Variants in PRKCG observed in about 807,000 individuals in gnomAD.
The protein encoded by PRKCG is protein kinase C gamma type.
In PRKCG, 28 loss-of-function variants were observed where a neutral mutation model predicts 82.0. That is an observed-to-expected ratio of 0.34 (90% CI 0.25 to 0.47). The LOEUF is 0.47. Among genes scored for constraint, PRKCG ranks in the 20% least tolerant of loss-of-function variants. The pLI, the probability that PRKCG is intolerant of heterozygous loss-of-function variation, is 1.00. For synonymous variants in PRKCG, 383 were observed against 376.6 expected, an observed-to-expected ratio of 1.02 and a Z score of -0.20; for missense variants, 640 against 952.7, an observed-to-expected ratio of 0.67 and a Z score of 4.32.
At chr19:53,906,025 C>CCTCCTCCTCCTCCCT (rs1246291252) in intron 16 of PRKCG, among the ~76,000 whole-genome samples, 1 of 79,588 alleles carries the variant, frequency 1.3e-5, no homozygotes, top group African/African-American at 6.2e-5. Flanking sequence ...CTGTCTGTCT[C>CCTCCTCCTCCTCCCT]CCTCCTCCTC....
At chr19:53,887,545 C>T (rs538921228) in intron 3 of PRKCG, among the ~76,000 whole-genome samples, 9 of 128,620 alleles carry the variant, frequency 7.0e-5, no homozygotes, top group Admixed American at 6.1e-4. Context: ...AGGTAACATG[C>T]CTTGACCAGG....
In PRKCG at chr19:53,906,977, C is replaced by G; in HGVS notation, c.*82C>G. ...CCCACTTCACCCCCAACTTCACCAC[C>G]CCCTGTCCCATTCTAGATCCTGCAC... On this transcript the variant is annotated 3_prime_UTR_variant, in exon 18 of 18. Coordinates refer to ENST00000263431, the MANE Select transcript of PRKCG (RefSeq NM_002739.5). 6.3e-7 allele frequency: 1 copy of G among 1,594,486 alleles called. No individual in the cohort carries two copies. The highest frequency in any genetic ancestry group is 8.5e-7 in the Non-Finnish European group (1 of 1,171,254).
In PRKCG at chr19:53,889,807, A is replaced by G; in HGVS notation, c.397+58A>G. The G allele has an allele frequency of 6.3e-7, 1 of 1,587,228 alleles. No homozygotes were observed. Among genetic ancestry groups the G allele is most frequent in the Non-Finnish European group, 8.6e-7 (1 of 1,166,678 alleles). ...AAAGCGCCCGGTCTGGGTTCCGGGA[A>G]ATGCCCGGGATGGGGTGGGGGGTGG... On this transcript the variant is annotated intron_variant, in intron 4 of 17. Coordinates refer to ENST00000263431, the MANE Select transcript of PRKCG (RefSeq NM_002739.5). This position sits in a 1 kb window ranked among gnomAD's most constrained non-coding sequence, Gnocchi z 4.4.
At position 53,904,656 on chromosome 19, in the gene PRKCG, G is replaced by C. The variant is rs1384915664; in HGVS notation, c.1678G>C (p.Glu560Gln). ...ATAGCCTCCCTTCGATGGGGAGGACGAGGAGGAGCTGTTTCAGGCCATCAT... is the reference window on the plus strand; with the variant it reads ...ATAGCCTCCCTTCGATGGGGAGGACCAGGAGGAGCTGTTTCAGGCCATCAT... ...AGQPPFDGED[E>Q]EELFQAIMEQ... Residue 560 changes from glutamate (E) to glutamine (Q), a missense_variant, in exon 16 of 18, where the codon GAG (glutamate) becomes CAG (glutamine). Physicochemically the swap from Glu to Gln is conservative, Grantham distance 29. Coordinates refer to ENST00000263431, the MANE Select transcript of PRKCG (RefSeq NM_002739.5). 6.2e-7 allele frequency: 1 copy of C among 1,613,494 alleles called. No individual in the cohort carries two copies. The highest frequency in any genetic ancestry group is 8.5e-7 in the Non-Finnish European group (1 of 1,179,884).
rs2068604836 is a variant in PRKCG, at chr19:53,883,072, G to C, written c.171-91G>C. On this transcript the variant is annotated intron_variant, in intron 1 of 17. Transcript: ENST00000263431. The surrounding 1 kb of genome is among the most constrained non-coding windows in gnomAD (Gnocchi z 5.4). ...TGGACACCTGGGCCCTGCGGGAGGA[G>C]GGTCAGAGAGCGCAGGCCCCCTGTG... 2 of 1,522,302 alleles carry C rather than the reference G, an allele frequency of 1.3e-6. No homozygotes were observed. Among genetic ancestry groups the C allele is most frequent in the Non-Finnish European group, 9.1e-7 (1 of 1,097,330 alleles). The allele number at this position is 1,522,302 out of a possible 1,614,324, so 94.3% of individuals were successfully genotyped here.
chr19:53,883,315 CG>C lies in PRKCG; in HGVS notation c.202+127del. ...CAGAGAGGCGCGGGGGAGCCCGGGG[CG>C]GGGGGTGTGGCAGAGACACAGCCTG... On this transcript the variant is annotated intron_variant, in intron 2 of 17. Coordinates refer to ENST00000263431, the MANE Select transcript of PRKCG (RefSeq NM_002739.5). The surrounding 1 kb of genome is among the most constrained non-coding windows in gnomAD (Gnocchi z 5.4). 17 of 1,226,792 alleles carry C rather than the reference CG, an allele frequency of 1.4e-5. No homozygotes were observed. The highest frequency in any genetic ancestry group is 2.5e-5 in the South Asian group (2 of 81,200). The allele number at this position is 1,226,792 out of a possible 1,614,324, so 76.0% of individuals were successfully genotyped here. A position where few individuals can be genotyped will look rare whatever the true frequency, so the allele number is the denominator to read the frequency against.
Position 53,891,746 on chromosome 19 carries a change from T to C in PRKCG, c.602T>C (p.Ile201Thr). 1 of 1,614,066 alleles carries C rather than the reference T, an allele frequency of 6.2e-7. No homozygotes were observed. The highest frequency in any genetic ancestry group is 8.5e-7 in the Non-Finnish European group (1 of 1,179,996). ...GATCCCTATGTGAAACTGAAGCTCA[T>C]CCCAGACCCTCGGAACCTGACGAAA... ...LSDPYVKLKLIPDPRNLTKQK... is the reference protein window; with the variant it reads ...LSDPYVKLKLTPDPRNLTKQK... Residue 201 changes from isoleucine (I) to threonine (T), a missense_variant, in exon 6 of 18, where the codon ATC (isoleucine) becomes ACC (threonine). Ile to Thr is a moderately conservative substitution (Grantham distance 89). Around this residue, in one of 7 missense-constraint regions of PRKCG, gnomAD observed 261 missense variants for 312.1 expected, o/e 0.84. Transcript: ENST00000263431.
chr19:53,904,162 G>A (rs1209607026), intron 15 of PRKCG, among the ~76,000 whole-genome samples: 4 of 152,018 alleles, frequency 2.6e-5, no homozygotes, highest in African/African-American at 4.8e-5. Context: ...TTGGGAGGCC[G>A]AAGTGGGCAG....
At position 53,907,146 on chromosome 19, in the gene PRKCG, G is replaced by A; in HGVS notation, c.*251G>A. 2 of 821,460 alleles carry A rather than the reference G, an allele frequency of 2.4e-6. No homozygotes were observed. Among genetic ancestry groups the A allele is most frequent in the Non-Finnish European group, 3.7e-6 (2 of 542,396 alleles). The allele number at this position is 821,460 out of a possible 1,614,324, so 50.9% of individuals were successfully genotyped here. On this transcript the variant is annotated 3_prime_UTR_variant, in exon 18 of 18. Coordinates refer to ENST00000263431, the MANE Select transcript of PRKCG (RefSeq NM_002739.5). Reference sequence around the variant, plus strand: ...TATTCTCCCTGACCTTAGCGTTCTGGACTCTGCCCCAATCGGGTCCAGAGA... The same window carrying A: ...TATTCTCCCTGACCTTAGCGTTCTGAACTCTGCCCCAATCGGGTCCAGAGA...
intron 16 of PRKCG, 23 bp from the exon 17 acceptor site, chr19:53,906,294 G>A: frequency 1.3e-6 from 2 of 1,550,956 alleles, no homozygotes; most frequent in Non-Finnish European, 1.7e-6. Flanking sequence ...TTGTCTGTCT[G>A]TCTCTCTCTG....
Position 53,906,979 on chromosome 19 carries a change from C to G in PRKCG, c.*84C>G, listed in dbSNP as rs995740073. On this transcript the variant is annotated 3_prime_UTR_variant, in exon 18 of 18. Transcript: ENST00000263431. ...CACTTCACCCCCAACTTCACCACCC[C>G]CTGTCCCATTCTAGATCCTGCACCC... 7 of 1,592,568 alleles carry G rather than the reference C, an allele frequency of 4.4e-6. No homozygotes were observed. The highest frequency in any genetic ancestry group is 1.3e-5 in the African/African-American group (1 of 74,446).
upstream of PRKCG, chr19:53,882,158 C>G (rs987735318): frequency 3.1e-5 from 11 of 350,436 alleles, no homozygotes. This position sits in a 1 kb window ranked among gnomAD's most constrained non-coding sequence, Gnocchi z 6.1. Flanking sequence ...CCCGCCCTCT[C>G]GGTCGTCCTG....
At chr19:53,885,522 G>T (rs1449034515) in intron 3 of PRKCG, among the ~76,000 whole-genome samples, 1 of 152,102 alleles carries the variant, frequency 6.6e-6, no homozygotes, top group African/African-American at 2.4e-5. Flanking sequence ...GAGCCACCGC[G>T]CCCGGCAGAA....
chr19:53,896,773 G>A (rs1382701154), intron 9 of PRKCG, among the ~76,000 whole-genome samples: 1 of 152,194 alleles, frequency 6.6e-6, no homozygotes, highest in East Asian at 1.9e-4. Flanking sequence ...CTGTGTCTTA[G>A]CGAACAAAGC....
chr19:53,888,554 C>T (rs1325809906), intron 3 of PRKCG, among the ~76,000 whole-genome samples: 4 of 152,218 alleles, frequency 2.6e-5, no homozygotes, highest in South Asian at 2.1e-4. Context: ...AGCTGAGAAG[C>T]GGCCTAGCTC....
In PRKCG at chr19:53,889,787, G is replaced by T. The variant is rs1264183875; in HGVS notation, c.397+38G>T. On this transcript the variant is annotated intron_variant, in intron 4 of 17. Coordinates refer to ENST00000263431, the MANE Select transcript of PRKCG (RefSeq NM_002739.5). The surrounding 1 kb of genome is among the most constrained non-coding windows in gnomAD (Gnocchi z 4.4). The stretch of plus-strand genomic sequence containing the variant: ...GGCCTTGCCAGGGCCCTTCCAAAGC[G>T]CCCGGTCTGGGTTCCGGGAAATGCC... 6 of 1,602,676 alleles carry T rather than the reference G, an allele frequency of 3.7e-6. No individual in the cohort carries two copies. The South Asian group carries it at 5.6e-5, about 15-fold the overall frequency.
rs764914177 is a variant in PRKCG, at chr19:53,899,791, T to C, written c.1282-442T>C. 6.4e-4 allele frequency among the ~76,000 whole-genome samples: 98 copies of C among 152,176 alleles called. 2 individuals are homozygous for C. The highest frequency in any genetic ancestry group is 2.2e-4 in the Non-Finnish European group (15 of 68,028). On this transcript the variant is annotated intron_variant, in intron 11 of 17. Transcript: ENST00000263431. Reference sequence around the variant, plus strand: ...TAGTAGAGACCGGGTTTCGCCACGTTGGCCAGGCTGGTCTGGAACTCCTGA... The same window carrying C: ...TAGTAGAGACCGGGTTTCGCCACGTCGGCCAGGCTGGTCTGGAACTCCTGA...
In PRKCG at chr19:53,889,510, A is replaced by G. The variant is rs1051843799; in HGVS notation, c.286-128A>G. On this transcript the variant is annotated intron_variant, in intron 3 of 17. Transcript: ENST00000263431. This position sits in a 1 kb window ranked among gnomAD's most constrained non-coding sequence, Gnocchi z 4.4. ...GCAGGTGCTCAATGATTATTGGTAC[A>G]TAGAGTGAAAGAGATGGAGCCTCAG... The G allele has an allele frequency of 5.6e-6, 4 of 717,442 alleles. No homozygotes were observed. Among genetic ancestry groups the G allele is most frequent in the Non-Finnish European group, 1.0e-5 (4 of 396,746 alleles). The allele number at this position is 717,442 out of a possible 1,614,324, so 44.4% of individuals were successfully genotyped here. A position where few individuals can be genotyped will look rare whatever the true frequency, so the allele number is the denominator to read the frequency against.
chr19:53,885,561 G>C (rs1015821210), intron 3 of PRKCG, among the ~76,000 whole-genome samples: 58 of 152,274 alleles, frequency 3.8e-4, no homozygotes, highest in African/African-American at 1.3e-3. Context: ...GCCACATGTA[G>C]TTAGTGGCCA....
Sources: gnomAD v4.1 joint callset for allele counts (sites outside exome capture counted in the v4.1 genomes callset) on GRCh38, gnomAD v4.1.1 for gene constraint, gnomAD v4.1.1 regional missense constraint, Gnocchi (gnomAD v3.1) non-coding constraint, MANE v1.5 for transcripts, NCBI Gene and HGNC (gene_info 2026-07-23, HGNC 2026-07-21) for gene names.